THADA: variants seen among roughly 807,000 people sequenced by gnomAD.
THADA encodes tRNA (32-2'-O)-methyltransferase regulator THADA.
A neutral mutation model predicts 219.8 loss-of-function variants in THADA; 213 were observed. That is an observed-to-expected ratio of 0.97 (90% CI 0.87 to 1.09). The LOEUF is 1.09. Ranked by LOEUF, THADA falls within the 50% of genes least tolerant of loss-of-function variation. The pLI is 0.00. For missense variants in THADA, 2,956 were observed against 2,311.3 expected, an observed-to-expected ratio of 1.28 and a Z score of -5.72; for synonymous variants, 1,018 against 828.9, an observed-to-expected ratio of 1.23 and a Z score of -3.92.
intron 36 of THADA, among the ~76,000 whole-genome samples, chr2:43,252,912 A>C (rs892470136): frequency 2.0e-5 from 3 of 152,110 alleles, no homozygotes; most frequent in Non-Finnish European, 4.4e-5. Context: ...TTTTCTTCCT[A>C]TTCTGGTGAC....
intron 24 of THADA, among the ~76,000 whole-genome samples, chr2:43,503,911 G>C: frequency 6.6e-6 from 1 of 152,194 alleles, no homozygotes. Flanking sequence ...AGCACAGGTA[G>C]AGCATCCCAA....
intron 36 of THADA, among the ~76,000 whole-genome samples, chr2:43,277,664 G>C (rs1672871214): frequency 6.6e-6 from 1 of 152,216 alleles, no homozygotes; most frequent in Non-Finnish European, 1.5e-5. Context: ...AAACTGAGAA[G>C]TAACTTTAAT....
chr2:43,432,707 T>C (rs967066420), intron 26 of THADA, among the ~76,000 whole-genome samples: 4 of 152,208 alleles, frequency 2.6e-5, no homozygotes, highest in African/African-American at 9.7e-5. Context: ...TTTCCTTCCT[T>C]TGTAGCCATC....
chr2:43,367,484 A>C (rs948253538), intron 29 of THADA, among the ~76,000 whole-genome samples: 2 of 152,216 alleles, frequency 1.3e-5, no homozygotes, highest in African/African-American at 4.8e-5. Flanking sequence ...TTGTGGGTGA[A>C]CTACACGTTT....
At chr2:43,352,169 T>C (rs1050385778) in intron 29 of THADA, among the ~76,000 whole-genome samples, 1 of 152,252 alleles carries the variant, frequency 6.6e-6, no homozygotes, top group Non-Finnish European at 1.5e-5. Context: ...TTTGATAATT[T>C]ATCTTGCTTA....
chr2:43,513,928 C>T (rs1280929247), intron 22 of THADA, among the ~76,000 whole-genome samples: 2 of 151,768 alleles, frequency 1.3e-5, no homozygotes, highest in Non-Finnish European at 2.9e-5. Flanking sequence ...GGCATGGTGG[C>T]TCACATCTGT....
chr2:43,408,894 T>C (rs1423723297), intron 28 of THADA, among the ~76,000 whole-genome samples: 1 of 152,200 alleles, frequency 6.6e-6, no homozygotes, highest in Admixed American at 6.5e-5. Context: ...CTTTCTATAG[T>C]TGGAGCCAAT....
intron 24 of THADA, among the ~76,000 whole-genome samples, chr2:43,500,387 G>C (rs1229304089): frequency 1.3e-5 from 2 of 152,092 alleles, no homozygotes; most frequent in African/African-American, 4.8e-5. Flanking sequence ...TTGTACACTT[G>C]TCTGTATATG....
intron 26 of THADA, among the ~76,000 whole-genome samples, chr2:43,455,614 A>C (rs1682896724): frequency 1.3e-5 from 2 of 151,738 alleles, no homozygotes; most frequent in African/African-American, 4.8e-5. Flanking sequence ...ATAATGTGTA[A>C]AACAAGGGTT....
chr2:43,540,501 AAG>A (rs1695156824), intron 21 of THADA, among the ~76,000 whole-genome samples: 1 of 152,244 alleles, frequency 6.6e-6, no homozygotes, highest in Non-Finnish European at 1.5e-5. Context: ...TTAAAAATGA[AAG>A]TACATGTTAT....
intron 29 of THADA, among the ~76,000 whole-genome samples, chr2:43,391,062 CTT>C (rs780658674): frequency 3.3e-5 from 5 of 152,270 alleles, no homozygotes; most frequent in Admixed American, 2.6e-4. Context: ...CACAACCCCT[CTT>C]GTTTTCAGTT....
intron 31 of THADA, among the ~76,000 whole-genome samples, chr2:43,293,561 T>C (rs747834324): frequency 3.9e-5 from 6 of 152,176 alleles, no homozygotes; most frequent in Non-Finnish European, 7.3e-5. Context: ...ATAAACTTCC[T>C]TCAGGGGTGA....
At chr2:43,267,367 G>A (rs1367534566) in intron 36 of THADA, among the ~76,000 whole-genome samples, 1 of 152,236 alleles carries the variant, frequency 6.6e-6, no homozygotes, top group African/African-American at 2.4e-5. Flanking sequence ...AGATGTTAGT[G>A]CCCATGCAGC....
chr2:43,578,600 C>T lies in THADA; in HGVS notation c.729G>A (p.Leu243=), dbSNP rs61754256. The change falls in exon 9 of 38, where the codon CTG becomes CTA. Residue 243 remains leucine (L), a synonymous_variant. Coordinates refer to ENST00000405975, the MANE Select transcript of THADA (RefSeq NM_022065.5). ...IFTKVLSDDD[L]LQTVQSTSGL... is the part of the protein sequence containing the mutation. ...CAGATGTGCTCTGTACAGTCTGTAA[C>T]AGATCATCTATTTGGCAAAAAAGGA... 211,354 of 1,596,446 alleles carry T rather than the reference C, an allele frequency of 0.13. 16,001 individuals are homozygous for T. The highest frequency in any genetic ancestry group is 0.3 in the African/African-American group (22,411 of 74,286).
intron 6 of THADA, 95 bp downstream of exon 6, chr2:43,586,607 G>A: frequency 2.1e-6 from 3 of 1,400,860 alleles, no homozygotes; most frequent in Non-Finnish European, 2.9e-6. Context: ...TATCTACAAT[G>A]CTCTACCTAT....
chr2:43,521,228 ACAAGAAGGCAGGCAGG>A (rs146663810), intron 22 of THADA, among the ~76,000 whole-genome samples: 15,993 of 151,576 alleles, frequency 0.11, 943 homozygotes, highest in African/African-American at 0.15. Context: ...GGGCAGGCAG[ACAAGAAGGCAGGCAGG>A]CAGGCAGATG....
Position 43,586,957 on chromosome 2 carries a change from G to C in THADA, c.348C>G (p.His116Gln). The stretch of plus-strand genomic sequence containing the variant: ...CTTCCTGAAGACGAGAAGTAAAACG[G>C]TGCATAGCCTCAGGTAGAAAAAAAT... Reference protein sequence around the residue: ...LPDFFLPEAMHRFTSRLQEEL... With the variant: ...LPDFFLPEAMQRFTSRLQEEL... The change falls in exon 5 of 38, where the codon CAC becomes CAG. Residue 116 changes from histidine to glutamine, a missense_variant. Coordinates refer to ENST00000405975, the MANE Select transcript of THADA (RefSeq NM_022065.5). 1 of 1,613,728 alleles carries C rather than the reference G, an allele frequency of 6.2e-7. No homozygotes were observed. Among genetic ancestry groups the C allele is most frequent in the Non-Finnish European group, 8.5e-7 (1 of 1,179,788 alleles).
At chr2:43,409,840 G>C (rs1036918033) in intron 28 of THADA, among the ~76,000 whole-genome samples, 4 of 151,756 alleles carry the variant, frequency 2.6e-5, no homozygotes, top group East Asian at 3.9e-4. Flanking sequence ...GGCAAAATGA[G>C]ACCCTGTCTC....
At chr2:43,425,514 T>A (rs923538203) in intron 28 of THADA, among the ~76,000 whole-genome samples, 10 of 150,770 alleles carry the variant, frequency 6.6e-5, no homozygotes, top group African/African-American at 2.4e-4. Context: ...ATATCCCAAG[T>A]TTAATTTTGC....
Sources: allele counts gnomAD v4.1 joint callset (sites outside exome capture counted in the v4.1 genomes callset), GRCh38; gene constraint gnomAD v4.1.1; transcripts MANE v1.5; gene names NCBI Gene and HGNC (gene_info 2026-07-23, HGNC 2026-07-21).